The following POFUT3 variants were observed in gnomAD, a reference collection of about 807,000 sequenced individuals.
POFUT3 encodes the protein protein O-fucosyltransferase 3.
the POFUT3 span, among the ~76,000 whole-genome samples, chr8:33,362,958 C>T: frequency 6.6e-6 from 1 of 152,174 alleles, no homozygotes; most frequent in African/African-American, 2.4e-5. Flanking sequence ...CCCAAATCAA[C>T]AGAATATACA....
the POFUT3 span, among the ~76,000 whole-genome samples, chr8:33,367,304 A>T: frequency 6.6e-6 from 1 of 152,290 alleles, no homozygotes; most frequent in East Asian, 1.9e-4. Context: ...TAAGCCACAA[A>T]CAATAGCATG....
At chr8:33,320,632 T>C in the POFUT3 span, among the ~76,000 whole-genome samples, 1 of 152,258 alleles carries the variant, frequency 6.6e-6, no homozygotes, top group African/African-American at 2.4e-5. Flanking sequence ...GCTGTGACTA[T>C]CTGAAGCTTA....
At chr8:33,401,399 C>A in the POFUT3 span, among the ~76,000 whole-genome samples, 1 of 152,314 alleles carries the variant, frequency 6.6e-6, no homozygotes, top group South Asian at 2.1e-4. Flanking sequence ...CATGTCCATG[C>A]AGGCATTCAT....
chr8:33,314,388 A>T, the POFUT3 span, among the ~76,000 whole-genome samples: 3 of 152,204 alleles, frequency 2.0e-5, no homozygotes, highest in Non-Finnish European at 4.4e-5. Flanking sequence ...GTCAACAGGG[A>T]CAAAACATCA....
At chr8:33,388,993 C>A in the POFUT3 span, 4 of 1,614,056 alleles carry the variant, frequency 2.5e-6, no homozygotes, top group East Asian at 2.2e-5. Flanking sequence ...TAGCCCACAC[C>A]TTGGTGCACA....
At chr8:33,448,933 T>TA in the POFUT3 span, among the ~76,000 whole-genome samples, 14 of 150,798 alleles carry the variant, frequency 9.3e-5, no homozygotes, top group South Asian at 2.1e-4. Context: ...GACTCCATCT[T>TA]AAAAAAAAAG....
chr8:33,429,441 C>A, the POFUT3 span, among the ~76,000 whole-genome samples: 2 of 152,176 alleles, frequency 1.3e-5, no homozygotes, highest in Non-Finnish European at 2.9e-5. Flanking sequence ...AGTATGTAAT[C>A]ATTGTTTGAC....
the POFUT3 span, among the ~76,000 whole-genome samples, chr8:33,469,816 T>TC: frequency 6.9e-6 from 1 of 144,118 alleles, no homozygotes; most frequent in African/African-American, 2.6e-5. Flanking sequence ...TTTTTTTTTT[T>TC]TTTTTTTGAG....
At chr8:33,386,055 G>A in the POFUT3 span, among the ~76,000 whole-genome samples, 3 of 151,822 alleles carry the variant, frequency 2.0e-5, no homozygotes, top group Non-Finnish European at 4.4e-5. Flanking sequence ...CGGGTGTGGT[G>A]GCATGCGCTT....
At chr8:33,342,174 C>T in the POFUT3 span, among the ~76,000 whole-genome samples, 10 of 151,836 alleles carry the variant, frequency 6.6e-5, no homozygotes, top group Admixed American at 1.3e-4. Flanking sequence ...GAAAGAGAGA[C>T]TTTGTCTCAA....
chr8:33,414,620 T>C, the POFUT3 span, among the ~76,000 whole-genome samples: 1 of 152,152 alleles, frequency 6.6e-6, no homozygotes, highest in East Asian at 1.9e-4. Context: ...CTGTTGTCCA[T>C]CATTCAACAA....
chr8:33,370,374 A>G, the POFUT3 span, among the ~76,000 whole-genome samples: 1 of 152,032 alleles, frequency 6.6e-6, no homozygotes, highest in African/African-American at 2.4e-5. Context: ...AAAGTTCTTG[A>G]AAACAATCCA....
chr8:33,402,387 T>A, the POFUT3 span, among the ~76,000 whole-genome samples: 1 of 152,222 alleles, frequency 6.6e-6, no homozygotes, highest in Non-Finnish European at 1.5e-5. Flanking sequence ...AGTTAGAAGC[T>A]ATGACCTGGA....
At chr8:33,456,671 C>T in the POFUT3 span, among the ~76,000 whole-genome samples, 13 of 152,178 alleles carry the variant, frequency 8.5e-5, no homozygotes, top group Non-Finnish European at 1.8e-4. Flanking sequence ...ATCAGCCAAT[C>T]CCACACTCTA....
the POFUT3 span, among the ~76,000 whole-genome samples, chr8:33,437,504 T>A: frequency 6.6e-6 from 1 of 152,250 alleles, no homozygotes; most frequent in East Asian, 1.9e-4. Flanking sequence ...TTAAATGGCT[T>A]CATCAGTTAA....
the POFUT3 span, among the ~76,000 whole-genome samples, chr8:33,328,267 C>T: frequency 2.0e-5 from 3 of 152,012 alleles, no homozygotes; most frequent in Non-Finnish European, 2.9e-5. Flanking sequence ...CTATGGGGTC[C>T]AGTCATGTCC....
chr8:33,420,827 T>C, the POFUT3 span, among the ~76,000 whole-genome samples: 1 of 151,792 alleles, frequency 6.6e-6, no homozygotes, highest in African/African-American at 2.4e-5. Flanking sequence ...AAAAAAAAGA[T>C]AGATGTTTGA....
chr8:33,341,708 G>A, the POFUT3 span, among the ~76,000 whole-genome samples: 3 of 152,050 alleles, frequency 2.0e-5, no homozygotes, highest in South Asian at 6.2e-4. Flanking sequence ...GCAAACAGAA[G>A]CAAGGAAATA....
the POFUT3 span, among the ~76,000 whole-genome samples, chr8:33,405,822 G>C: frequency 1.3e-5 from 2 of 152,118 alleles, no homozygotes; most frequent in Non-Finnish European, 2.9e-5. Context: ...AAATGTATAA[G>C]TAAATAATAA....
Sources: allele counts gnomAD v4.1 joint callset (sites outside exome capture counted in the v4.1 genomes callset), GRCh38; gene constraint gnomAD v4.1.1; transcripts MANE v1.5; gene names NCBI Gene and HGNC (gene_info 2026-07-23, HGNC 2026-07-21).